Variants in PAX2 observed in about 807,000 individuals in gnomAD.
The protein encoded by PAX2 is paired box 2.
Under a neutral mutation model 41.7 loss-of-function variants are expected in PAX2, and 9 were observed. That is an observed-to-expected ratio of 0.22 (90% CI 0.13 to 0.38). The LOEUF (loss-of-function observed/expected upper bound fraction) is 0.38, where lower values mean the gene tolerates loss of function less well. Ranked by LOEUF, PAX2 falls within the 10% of genes least tolerant of loss-of-function variation. The pLI is 1.00. For synonymous variants in PAX2, 221 were observed against 212.7 expected (o/e 1.04, Z -0.34); for missense variants, 418 against 531.6 (o/e 0.79, Z 2.10).
chr10:100,822,891 C>T (rs190456243), intron 7 of PAX2, among the ~76,000 whole-genome samples: 2 of 152,256 alleles, frequency 1.3e-5, no homozygotes, highest in African/African-American at 4.8e-5. Context: ...AAACTATAGA[C>T]TACAGGGAAT....
intron 3 of PAX2, among the ~76,000 whole-genome samples, chr10:100,773,191 G>A (rs190960404): frequency 7.4e-4 from 113 of 152,294 alleles, no homozygotes; most frequent in African/African-American, 2.6e-3. Context: ...TGCAAAATGC[G>A]TTGTTGTAAG....
chr10:100,821,921 C>G (rs900483167), intron 7 of PAX2, among the ~76,000 whole-genome samples: 7 of 152,226 alleles, frequency 4.6e-5, no homozygotes, highest in African/African-American at 1.7e-4. Flanking sequence ...TTCCCTAACT[C>G]GATCCTGTCC....
At chr10:100,806,680 A>G in intron 6 of PAX2, 75 bp downstream of exon 6, 1 of 1,254,864 alleles carries the variant, frequency 8.0e-7, no homozygotes, top group South Asian at 1.2e-5. Context: ...CTTGTTCACT[A>G]AACACCACAT....
chr10:100,820,159 T>C (rs1295092221), intron 7 of PAX2, among the ~76,000 whole-genome samples: 4 of 152,248 alleles, frequency 2.6e-5, no homozygotes, highest in Non-Finnish European at 4.4e-5. Flanking sequence ...GATTTTATTC[T>C]CTGAGTCCTT....
At chr10:100,804,492 G>T (rs1847688559) in intron 5 of PAX2, among the ~76,000 whole-genome samples, 1 of 152,176 alleles carries the variant, frequency 6.6e-6, no homozygotes, top group South Asian at 2.1e-4. Flanking sequence ...TTCCCCAAAA[G>T]GTAGGAGGGC....
At chr10:100,821,013 A>G (rs939003212) in intron 7 of PAX2, among the ~76,000 whole-genome samples, 2 of 152,310 alleles carry the variant, frequency 1.3e-5, no homozygotes, top group Non-Finnish European at 1.5e-5. Context: ...GTCTGCACTC[A>G]TGTTTTTCCA....
At chr10:100,805,018 T>TCACACACA (rs1847716725) in intron 5 of PAX2, among the ~76,000 whole-genome samples, 1 of 32,880 alleles carries the variant, frequency 3.0e-5, no homozygotes, top group African/African-American at 1.6e-4. Flanking sequence ...TCTCTCTCTC[T>TCACACACA]CACATACACA....
chr10:100,743,993 C>A (rs374245605), upstream of PAX2, among the ~76,000 whole-genome samples: 10 of 152,316 alleles, frequency 6.6e-5, no homozygotes, highest in East Asian at 1.5e-3. Context: ...AGGATCCCAG[C>A]GGACCCAGGC....
chr10:100,803,450 C>T (rs1389066841), intron 5 of PAX2, among the ~76,000 whole-genome samples: 1 of 152,018 alleles, frequency 6.6e-6, no homozygotes, highest in Non-Finnish European at 1.5e-5. Flanking sequence ...AAGGATGCCA[C>T]CCCCTCCTCT....
chr10:100,829,406 C>A lies in PAX2; in HGVS notation c.*1787C>A, dbSNP rs1848704375. ...CAGCTCCAGCCCCCGGGCTCGCCCC[C>A]TCGCGGGCGTGCCCCGCGCGCCCCG... On this transcript the variant is annotated 3_prime_UTR_variant, in exon 10 of 10. Transcript: ENST00000355243. The A allele has an allele frequency of 4.8e-6, 1 of 207,596 alleles. No individual in the cohort carries two copies. Among genetic ancestry groups the A allele is most frequent in the Non-Finnish European group, 9.9e-6 (1 of 101,508 alleles). The allele number at this position is 207,596 out of a possible 1,614,324, so 12.9% of individuals were successfully genotyped here.
chr10:100,769,992 A>G (rs1846158172), intron 3 of PAX2, among the ~76,000 whole-genome samples: 1 of 152,214 alleles, frequency 6.6e-6, no homozygotes, highest in Non-Finnish European at 1.5e-5. Flanking sequence ...GGCCGGGCTG[A>G]AGAATTCTGA....
At chr10:100,772,526 C>T (rs1331815272) in intron 3 of PAX2, among the ~76,000 whole-genome samples, 1 of 152,166 alleles carries the variant, frequency 6.6e-6, no homozygotes, top group African/African-American at 2.4e-5. Flanking sequence ...TGGCAGAGGC[C>T]CCCATGACCA....
intron 1 of PAX2, chr10:100,747,855 G>A: frequency 1.0e-6 from 1 of 984,878 alleles, no homozygotes; most frequent in Non-Finnish European, 1.2e-6. Context: ...CCTGCCTCGC[G>A]GCCCGCTGCC....
chr10:100,781,263 C>T lies in PAX2; in HGVS notation c.514C>T (p.Pro172Ser). 1 of 1,614,020 alleles carries T rather than the reference C, an allele frequency of 6.2e-7. No homozygotes were observed. Among genetic ancestry groups the T allele is most frequent in the Non-Finnish European group, 8.5e-7 (1 of 1,179,876 alleles). Residue 172 changes from proline to serine, a missense_variant, in exon 5 of 10, where the codon CCT becomes TCT. Around this residue, in one of 2 missense-constraint regions of PAX2, gnomAD observed 310 missense variants for 325.2 expected, o/e 0.95. Coordinates refer to ENST00000355243, the MANE Select transcript of PAX2 (RefSeq NM_000278.5). ...GHTIVPSTAS[P>S]PVSSASNDPV... ...TCATCCAGTTCCCAGCACGGCCTCC[C>T]CTCCTGTTTCCAGCGCCTCCAATGA...
In PAX2 at chr10:100,824,847, GAC is replaced by G; in HGVS notation, c.1021+102_1021+103del. ...GTAGTCTGAGGCTGGGGTGGGGGGAGACACAACGTCCCCTCCCTGCAAACCAC... is the reference window on the plus strand; with the variant it reads ...GTAGTCTGAGGCTGGGGTGGGGGGAGACAACGTCCCCTCCCTGCAAACCAC... On this transcript the variant is annotated intron_variant, in intron 8 of 9. Coordinates refer to ENST00000355243, the MANE Select transcript of PAX2 (RefSeq NM_000278.5). The surrounding 1 kb of genome is among the most constrained non-coding windows in gnomAD (Gnocchi z 6.6). 2 of 1,541,584 alleles carry G rather than the reference GAC, an allele frequency of 1.3e-6. No homozygotes were observed. The highest frequency in any genetic ancestry group is 1.1e-5 in the South Asian group (1 of 89,698).
chr10:100,787,721 GGC>G (rs1207706144), intron 5 of PAX2, among the ~76,000 whole-genome samples: 8 of 152,046 alleles, frequency 5.3e-5, no homozygotes, highest in Non-Finnish European at 1.0e-4. Context: ...CAATTCCAAA[GGC>G]ACCCCCTCAT....
chr10:100,775,007 T>C (rs1043579534), intron 3 of PAX2, among the ~76,000 whole-genome samples: 6 of 152,098 alleles, frequency 3.9e-5, no homozygotes, highest in African/African-American at 1.4e-4. Context: ...GAGCATCTTG[T>C]GAAGGAAAGA....
At chr10:100,806,404 G>T (rs773007795) in intron 5 of PAX2, 26 bp from the exon 6 acceptor site, 32 of 1,613,668 alleles carry the variant, frequency 2.0e-5, no homozygotes, top group Non-Finnish European at 2.6e-5. Flanking sequence ...TGGCGCTAAC[G>T]CCCCGAGTGT....
In PAX2 at chr10:100,777,765, A is replaced by G. The variant is rs1205005066; in HGVS notation, c.411-1733A>G. 5.3e-5 allele frequency among the ~76,000 whole-genome samples: 8 copies of G among 152,374 alleles called. No homozygotes were observed. The South Asian group carries it at 1.7e-3, about 32-fold the overall frequency. ...GTTTTCAATTTGCAAAATGAGGATA[A>G]TAGTCTCTACTTTGGAGGTGGTTGT... On this transcript the variant is annotated intron_variant, in intron 3 of 9. Coordinates refer to ENST00000355243, the MANE Select transcript of PAX2 (RefSeq NM_000278.5).
Sources: allele counts gnomAD v4.1 joint callset (sites outside exome capture counted in the v4.1 genomes callset), GRCh38; gene constraint gnomAD v4.1.1; regional missense constraint gnomAD v4.1.1; non-coding constraint Gnocchi (gnomAD v3.1); transcripts MANE v1.5; gene names NCBI Gene and HGNC (gene_info 2026-07-23, HGNC 2026-07-21).